The following PTPRK variants were observed in gnomAD, a reference collection of about 807,000 sequenced individuals.
PTPRK encodes the protein receptor-type tyrosine-protein phosphatase kappa.
Under a neutral mutation model 178.0 loss-of-function variants are expected in PTPRK, and 75 were observed. The ratio of observed to expected loss-of-function variants is 0.42; its 90% CI spans 0.35 to 0.51. The LOEUF is 0.51. Ranked by LOEUF, PTPRK falls within the 20% of genes least tolerant of loss-of-function variation. PTPRK has a pLI of 0.02. For synonymous variants in PTPRK, 637 were observed against 620.6 expected (o/e 1.03, Z -0.39); for missense variants, 1,441 against 1,797.8 (o/e 0.80, Z 3.59).
chr6:127,970,581 C>A (rs1299255412), intron 29 of PTPRK, among the ~76,000 whole-genome samples: 4 of 151,780 alleles, frequency 2.6e-5, no homozygotes, highest in Non-Finnish European at 5.9e-5. Flanking sequence ...CATTACAGAA[C>A]AATTCTGTAC....
chr6:128,463,113 C>T (rs1336714263), intron 1 of PTPRK, among the ~76,000 whole-genome samples: 1 of 152,086 alleles, frequency 6.6e-6, no homozygotes, highest in Admixed American at 6.6e-5. Flanking sequence ...TGCCTGTCCT[C>T]AATAAACATA....
intron 5 of PTPRK, among the ~76,000 whole-genome samples, chr6:128,223,581 G>A (rs1359068208): frequency 6.6e-6 from 1 of 151,902 alleles, no homozygotes; most frequent in Non-Finnish European, 1.5e-5. Context: ...GAGTACAAAA[G>A]ACTTATGTGA....
chr6:128,013,941 C>A (rs1434382170), intron 13 of PTPRK, among the ~76,000 whole-genome samples: 1 of 151,486 alleles, frequency 6.6e-6, no homozygotes, highest in African/African-American at 2.4e-5. Flanking sequence ...CTGATTAGAG[C>A]CCTCCAATAG....
At chr6:128,323,392 C>CT in intron 2 of PTPRK, among the ~76,000 whole-genome samples, 1 of 152,130 alleles carries the variant, frequency 6.6e-6, no homozygotes, top group South Asian at 2.1e-4. Flanking sequence ...TGTAAAATAT[C>CT]TTTTTTCTTT....
chr6:128,288,036 C>T (rs1365460638), intron 3 of PTPRK, among the ~76,000 whole-genome samples: 1 of 152,136 alleles, frequency 6.6e-6, no homozygotes, highest in Admixed American at 6.6e-5. Context: ...GGCTTCTTCA[C>T]TCAAATCTCT....
At chr6:128,164,065 CT>C (rs1799051374) in intron 7 of PTPRK, among the ~76,000 whole-genome samples, 1 of 151,356 alleles carries the variant, frequency 6.6e-6, no homozygotes, top group Non-Finnish European at 1.5e-5. Flanking sequence ...ACCCAAATCC[CT>C]CACTCCTTCT....
intron 25 of PTPRK, 114 bp downstream of exon 25, chr6:127,981,002 C>A: frequency 9.4e-7 from 1 of 1,062,464 alleles, no homozygotes; most frequent in Non-Finnish European, 1.3e-6. Flanking sequence ...TAAAAGTTTC[C>A]ACTTTTCCTT....
At chr6:128,262,857 C>CAAAA (rs747334195) in intron 3 of PTPRK, among the ~76,000 whole-genome samples, 766 of 75,038 alleles carry the variant, frequency 0.01, 7 homozygotes, top group Middle Eastern at 0.019. Flanking sequence ...AACCAATAAC[C>CAAAA]AAAAAAAAAA....
intron 3 of PTPRK, among the ~76,000 whole-genome samples, chr6:128,283,821 T>C (rs1206649095): frequency 6.6e-6 from 1 of 152,188 alleles, no homozygotes; most frequent in Non-Finnish European, 1.5e-5. Flanking sequence ...TAAGAATCTT[T>C]CTGGTATCTA....
At chr6:128,382,410 C>CT (rs71028122) in intron 2 of PTPRK, among the ~76,000 whole-genome samples, 102,709 of 131,922 alleles carry the variant, frequency 0.78, 44,822 homozygotes, top group Non-Finnish European at 0.98. Context: ...TATGAAAATT[C>CT]TTTTTTTTTT....
At chr6:128,259,905 A>G (rs533480931) in intron 3 of PTPRK, among the ~76,000 whole-genome samples, 1 of 152,182 alleles carries the variant, frequency 6.6e-6, no homozygotes, top group Non-Finnish European at 1.5e-5. Flanking sequence ...TTCATTTTCC[A>G]GTCCATAACA....
At chr6:128,027,898 T>A (rs1205803479) in intron 13 of PTPRK, 1 of 152,232 alleles carries the variant, frequency 6.6e-6, no homozygotes, top group African/African-American at 2.4e-5. Context: ...AGCTGTATCT[T>A]CTTTTACCGA....
intron 7 of PTPRK, among the ~76,000 whole-genome samples, chr6:128,098,946 C>T (rs1321963819): frequency 1.3e-5 from 2 of 151,650 alleles, no homozygotes; most frequent in Non-Finnish European, 2.9e-5. Flanking sequence ...ACTACACTCC[C>T]ACAGAGAATA....
intron 1 of PTPRK, among the ~76,000 whole-genome samples, chr6:128,490,570 G>A (rs113470453): frequency 0.026 from 3,898 of 152,262 alleles, 104 homozygotes; most frequent in African/African-American, 0.065. Flanking sequence ...GTGATTAACA[G>A]CATTGATTCC....
At chr6:128,266,439 A>C (rs1316646604) in intron 3 of PTPRK, among the ~76,000 whole-genome samples, 1 of 152,128 alleles carries the variant, frequency 6.6e-6, no homozygotes, top group East Asian at 1.9e-4. Flanking sequence ...TCTGAAAAGC[A>C]CTGGATTAGG....
At chr6:128,160,622 A>G (rs1487837620) in intron 7 of PTPRK, among the ~76,000 whole-genome samples, 1 of 151,538 alleles carries the variant, frequency 6.6e-6, no homozygotes, top group East Asian at 1.9e-4. Flanking sequence ...AACTTTCCTT[A>G]CTCTTGCTTT....
intron 3 of PTPRK, among the ~76,000 whole-genome samples, chr6:128,282,136 A>G (rs1158551524): frequency 1.3e-5 from 2 of 152,194 alleles, no homozygotes; most frequent in African/African-American, 4.8e-5. Context: ...TTAGGACTAT[A>G]CATGGCTGTT....
At chr6:128,153,007 A>C (rs1797493237) in intron 7 of PTPRK, among the ~76,000 whole-genome samples, 2 of 151,932 alleles carry the variant, frequency 1.3e-5, no homozygotes, top group African/African-American at 2.4e-5. Context: ...GAATCCAGTT[A>C]AACTAGAATT....
chr6:128,462,331 C>T (rs894369768), intron 1 of PTPRK, among the ~76,000 whole-genome samples: 4 of 152,130 alleles, frequency 2.6e-5, no homozygotes, highest in African/African-American at 9.7e-5. Flanking sequence ...GGAAAAATCA[C>T]ATGTTGTTTA....
Sources: allele counts gnomAD v4.1 joint callset (sites outside exome capture counted in the v4.1 genomes callset), GRCh38; gene constraint gnomAD v4.1.1; transcripts MANE v1.5; gene names NCBI Gene and HGNC (gene_info 2026-07-23, HGNC 2026-07-21).